WARS2: variants seen among roughly 807,000 people sequenced by gnomAD.
The protein encoded by WARS2 is tryptophanyl tRNA synthetase 2, mitochondrial.
A neutral mutation model predicts 36.5 loss-of-function variants in WARS2; 28 were observed. That is an observed-to-expected ratio of 0.77 (90% CI 0.57 to 1.05). WARS2 has a LOEUF of 1.05. WARS2 is among the 50% of genes least tolerant of loss of function. The probability of loss-of-function intolerance (pLI) is 0.00; values close to 1 mark genes in which losing one functional copy is unlikely to be tolerated. For missense variants in WARS2, 435 were observed against 456.8 expected (o/e 0.95, Z 0.44); for synonymous variants, 174 against 178.4 (o/e 0.98, Z 0.20).
intron 1 of WARS2, among the ~76,000 whole-genome samples, chr1:119,108,469 C>T (rs994700923): frequency 5.3e-5 from 8 of 152,074 alleles, no homozygotes; most frequent in African/African-American, 1.9e-4. Context: ...AAGTTGTGGG[C>T]ATAGGGTTGT....
Position 119,033,203 on chromosome 1 carries a change from T to C in WARS2, c.791A>G (p.Tyr264Cys), listed in dbSNP as rs139194636. The C allele has an allele frequency of 4.7e-5, 76 of 1,614,274 alleles. No homozygotes were observed. The African/African-American group carries it at 8.0e-4, about 17-fold the overall frequency. Residue 264 changes from tyrosine to cysteine, a missense_variant, in exon 6 of 6, where the codon TAT becomes TGT. Physicochemically the swap from Tyr to Cys is radical, Grantham distance 194. Coordinates refer to ENST00000235521, the MANE Select transcript of WARS2 (RefSeq NM_015836.4). ...CACGCCAGCGCGGCCAGCCGGGTCA[T>C]AGGTGACCTCCGAGGTGAAGTCTGT... ...AVTDFTSEVT[Y>C]DPAGRAGVSN...
chr1:119,071,448 TC>T lies in WARS2; in HGVS notation c.348+4901del, dbSNP rs1328724823. 2.0e-5 allele frequency among the ~76,000 whole-genome samples: 3 copies of T among 152,014 alleles called. No homozygotes were observed. In the East Asian group the frequency reaches 5.8e-4, roughly 29 times the overall value. On this transcript the variant is annotated intron_variant, in intron 2 of 5. Coordinates refer to ENST00000235521, the MANE Select transcript of WARS2 (RefSeq NM_015836.4). Reference sequence around the variant, plus strand: ...CCAAAATATGGAATCAACCTAAGTGTCTATCAACAGATGAACAGATAAAGAA... The same window carrying T: ...CCAAAATATGGAATCAACCTAAGTGTTATCAACAGATGAACAGATAAAGAA...
intron 1 of WARS2, among the ~76,000 whole-genome samples, chr1:119,099,033 G>A (rs587740780): frequency 7.8e-4 from 119 of 152,212 alleles, no homozygotes; most frequent in African/African-American, 2.7e-3. Context: ...CACCATGCCC[G>A]GCCCTGATAT....
intron 2 of WARS2, among the ~76,000 whole-genome samples, chr1:119,051,990 C>T (rs1405835015): frequency 6.6e-6 from 1 of 151,964 alleles, no homozygotes; most frequent in Admixed American, 6.6e-5. Context: ...GAACTCCTGA[C>T]CTCAAATGAT....
intron 1 of WARS2, among the ~76,000 whole-genome samples, chr1:119,124,473 G>C (rs587606262): frequency 6.6e-6 from 1 of 152,142 alleles, no homozygotes. Context: ...CTGGGTGACA[G>C]AGTGAGGCTC....
In WARS2 at chr1:119,034,177, C is replaced by T; in HGVS notation, c.552G>A (p.Gln184=). ...CTAGATCCTGAACTAGTTCCATGTGCTGGACTTGATCCTCCCCAACAGGAA... is the reference window on the plus strand; with the variant it reads ...CTAGATCCTGAACTAGTTCCATGTGTTGGACTTGATCCTCCCCAACAGGAA... ...THVPVGEDQV[Q]HMELVQDLAQ... Residue 184 remains glutamine, a synonymous_variant, in exon 5 of 6, where the codon CAG becomes CAA. Transcript: ENST00000235521. 8 of 1,614,060 alleles carry T rather than the reference C, an allele frequency of 5.0e-6. No individual in the cohort carries two copies. The highest frequency in any genetic ancestry group is 6.8e-6 in the Non-Finnish European group (8 of 1,179,936).
intron 3 of WARS2, among the ~76,000 whole-genome samples, chr1:119,043,749 G>A (rs1325424145): frequency 3.9e-5 from 6 of 152,148 alleles, no homozygotes; most frequent in East Asian, 1.9e-4. Flanking sequence ...TAGCCTTTTC[G>A]TATTAGCATA....
chr1:119,129,682 T>C (rs1438668397), intron 1 of WARS2, among the ~76,000 whole-genome samples: 1 of 151,538 alleles, frequency 6.6e-6, no homozygotes, highest in Non-Finnish European at 1.5e-5. Context: ...ACCACTGCAC[T>C]CCAGCCTGGG....
At position 119,031,358 on chromosome 1, in the gene WARS2, A is replaced by T. The variant is rs982893500; in HGVS notation, c.*1553T>A. Reference sequence around the variant, plus strand: ...GGACTTACAGACATCCCATTCCAGTATAAGATACAAAAGGCAAAATGTTTC... The same window carrying T: ...GGACTTACAGACATCCCATTCCAGTTTAAGATACAAAAGGCAAAATGTTTC... On this transcript the variant is annotated 3_prime_UTR_variant, in exon 6 of 6. Coordinates refer to ENST00000235521, the MANE Select transcript of WARS2 (RefSeq NM_015836.4). 1.3e-5 allele frequency: 2 copies of T among 152,220 alleles called. No homozygotes were observed. The highest frequency in any genetic ancestry group is 2.9e-5 in the Non-Finnish European group (2 of 68,044). 9.4% of individuals were successfully genotyped at this position (152,220 alleles called of 1,614,324 possible).
intron 2 of WARS2, among the ~76,000 whole-genome samples, chr1:119,050,437 C>T (rs1190914377): frequency 1.3e-5 from 2 of 152,078 alleles, no homozygotes; most frequent in African/African-American, 2.4e-5. Flanking sequence ...TTATATTACT[C>T]TAATAGAACA....
intron 1 of WARS2, among the ~76,000 whole-genome samples, chr1:119,119,092 T>C (rs1655171826): frequency 6.6e-6 from 1 of 152,110 alleles, no homozygotes; most frequent in South Asian, 2.1e-4. Flanking sequence ...TAATGTTGAA[T>C]GTAAATGGCC....
At chr1:119,124,228 C>T (rs1230357463) in intron 1 of WARS2, among the ~76,000 whole-genome samples, 3 of 152,272 alleles carry the variant, frequency 2.0e-5, no homozygotes, top group East Asian at 3.9e-4. Flanking sequence ...TATGGTGGCT[C>T]ATGCCTGTAA....
intron 1 of WARS2, among the ~76,000 whole-genome samples, chr1:119,086,780 T>A (rs1253040771): frequency 6.6e-6 from 1 of 152,198 alleles, no homozygotes; most frequent in East Asian, 1.9e-4. Context: ...CATTTCTTCC[T>A]CTGAGACAAG....
chr1:119,085,120 G>A (rs765002174), intron 1 of WARS2: 42 of 781,832 alleles, frequency 5.4e-5, no homozygotes, highest in Non-Finnish European at 8.3e-5. Context: ...CCTTCAGAAC[G>A]CCCGTTGTAC....
At chr1:119,033,425 T>A (rs1181280885) in intron 5 of WARS2, 66 bp from the exon 6 acceptor site, 2 of 1,585,808 alleles carry the variant, frequency 1.3e-6, no homozygotes, top group Non-Finnish European at 1.7e-6. Flanking sequence ...CACCAAGATG[T>A]ACACACAGAC....
chr1:119,065,854 C>T (rs932779593), intron 2 of WARS2, among the ~76,000 whole-genome samples: 1 of 152,000 alleles, frequency 6.6e-6, no homozygotes, highest in African/African-American at 2.4e-5. Flanking sequence ...AACATATATC[C>T]ATCATTATGC....
At chr1:119,070,132 C>T (rs1651180497) in intron 2 of WARS2, among the ~76,000 whole-genome samples, 2 of 152,176 alleles carry the variant, frequency 1.3e-5, no homozygotes. Context: ...AGTACATTTT[C>T]AATTTACTTA....
At chr1:119,079,482 T>C (rs1231902971) in intron 1 of WARS2, among the ~76,000 whole-genome samples, 1 of 152,166 alleles carries the variant, frequency 6.6e-6, no homozygotes, top group African/African-American at 2.4e-5. Context: ...TTGGGGTTGC[T>C]GACTGAGATC....
At position 119,031,620 on chromosome 1, in the gene WARS2, C is replaced by CG. The variant is rs1273391223; in HGVS notation, c.*1290_*1291insC. 6.6e-6 allele frequency: 1 copy of CG among 152,108 alleles called. No homozygotes were observed. Among genetic ancestry groups the CG allele is most frequent in the East Asian group, 1.9e-4 (1 of 5,188 alleles). 9.4% of individuals were successfully genotyped at this position (152,108 alleles called of 1,614,324 possible). On this transcript the variant is annotated 3_prime_UTR_variant, in exon 6 of 6. Coordinates refer to ENST00000235521, the MANE Select transcript of WARS2 (RefSeq NM_015836.4). The stretch of plus-strand genomic sequence containing the variant: ...AATTTCTGTTACAAAATCGATCTTG[C>CG]TAACAGGTCTTGGTGTATAAGTTAG...
Sources: gnomAD v4.1 joint callset for allele counts (sites outside exome capture counted in the v4.1 genomes callset) on GRCh38, gnomAD v4.1.1 for gene constraint, MANE v1.5 for transcripts, NCBI Gene and HGNC (gene_info 2026-07-23, HGNC 2026-07-21) for gene names.